FAM120A: variants seen among roughly 807,000 people sequenced by gnomAD.
The protein encoded by FAM120A is constitutive coactivator of PPAR-gamma-like protein 1.
A neutral mutation model predicts 109.7 loss-of-function variants in FAM120A; 15 were observed. The observed-to-expected ratio is 0.14, with a 90% CI of 0.09 to 0.21. FAM120A has a LOEUF of 0.21. Ranked by LOEUF, FAM120A falls within the 10% of genes least tolerant of loss-of-function variation. The pLI is 1.00. For synonymous variants in FAM120A, 493 were observed against 572.8 expected (o/e 0.86, Z 1.99); for missense variants, 899 against 1,439.3 (o/e 0.62, Z 6.07).
intron 1 of FAM120A, among the ~76,000 whole-genome samples, chr9:93,458,129 A>C (rs1857635054): frequency 6.6e-6 from 1 of 152,144 alleles, no homozygotes. Flanking sequence ...GTGTCCCATC[A>C]ACACAGACAC....
At chr9:93,535,650 A>C (rs1861487816) in intron 10 of FAM120A, among the ~76,000 whole-genome samples, 1 of 152,210 alleles carries the variant, frequency 6.6e-6, no homozygotes, top group South Asian at 2.1e-4. Flanking sequence ...AGCTGATAAA[A>C]TTGAACTTGT....
chr9:93,460,821 A>G (rs139418730), intron 1 of FAM120A, among the ~76,000 whole-genome samples: 281 of 152,330 alleles, frequency 1.8e-3, no homozygotes, highest in Non-Finnish European at 3.0e-3. Context: ...CAGAAGTTTT[A>G]AAGTCCCCCT....
At chr9:93,472,657 C>G (rs183347857) in intron 2 of FAM120A, among the ~76,000 whole-genome samples, 38 of 152,208 alleles carry the variant, frequency 2.5e-4, no homozygotes, top group Admixed American at 2.4e-3. Context: ...TTTAGAAATG[C>G]CTAGTTATCA....
chr9:93,561,055 A>G lies in FAM120A; in HGVS notation c.2807-54A>G, dbSNP rs757795403. ...AGTTTCTTGCTTGTATCTTTTTGCT[A>G]TTCTTAATTCTGTGATTGTAAAGAT... On this transcript the variant is annotated intron_variant, in intron 15 of 17. Transcript: ENST00000277165. The G allele has an allele frequency of 2.5e-6, 4 of 1,580,962 alleles. No homozygotes were observed. The highest frequency in any genetic ancestry group is 2.2e-5 in the East Asian group (1 of 44,674).
intron 3 of FAM120A, among the ~76,000 whole-genome samples, chr9:93,492,794 A>G (rs1859386942): frequency 6.6e-6 from 1 of 152,218 alleles, no homozygotes; most frequent in Non-Finnish European, 1.5e-5. Context: ...CACTTTAATT[A>G]TAGCATCTAT....
At chr9:93,483,508 T>C (rs1858911882) in intron 3 of FAM120A, among the ~76,000 whole-genome samples, 1 of 152,184 alleles carries the variant, frequency 6.6e-6, no homozygotes, top group African/African-American at 2.4e-5. Flanking sequence ...TTTACTGTTT[T>C]AGATAGAAGC....
At chr9:93,454,091 G>A (rs2131180944) in intron 1 of FAM120A, among the ~76,000 whole-genome samples, 1 of 152,306 alleles carries the variant, frequency 6.6e-6, no homozygotes, top group East Asian at 1.9e-4. Flanking sequence ...CGCACACCTA[G>A]TAGGTGCTCA....
intron 7 of FAM120A, among the ~76,000 whole-genome samples, chr9:93,516,680 C>T (rs1388872691): frequency 2.0e-5 from 3 of 152,084 alleles, no homozygotes; most frequent in Non-Finnish European, 2.9e-5. Flanking sequence ...ATTTCCTCTC[C>T]TTCTCCTAAA....
intron 7 of FAM120A, chr9:93,523,335 G>A (rs1564343238): frequency 1.4e-5 from 18 of 1,288,998 alleles, no homozygotes; most frequent in Non-Finnish European, 1.7e-5. Flanking sequence ...GAATTCCATC[G>A]TGCTCTGCTC....
At chr9:93,466,888 G>A (rs144631531) in intron 1 of FAM120A, among the ~76,000 whole-genome samples, 3 of 152,234 alleles carry the variant, frequency 2.0e-5, no homozygotes, top group African/African-American at 7.2e-5. Flanking sequence ...TAGTGTTCCT[G>A]CAAAGTAATT....
At chr9:93,525,464 A>G (rs1474098681) in intron 7 of FAM120A, among the ~76,000 whole-genome samples, 1 of 152,236 alleles carries the variant, frequency 6.6e-6, no homozygotes, top group Admixed American at 6.5e-5. Context: ...CTGCGTGGTT[A>G]ATAAGCATTC....
At chr9:93,538,155 A>G (rs1183252135) in intron 10 of FAM120A, among the ~76,000 whole-genome samples, 1 of 152,166 alleles carries the variant, frequency 6.6e-6, no homozygotes, top group Non-Finnish European at 1.5e-5. Context: ...CATGTCTGTA[A>G]TACTGTGTTC....
At chr9:93,457,698 C>T (rs757329459) in intron 1 of FAM120A, among the ~76,000 whole-genome samples, 1 of 151,948 alleles carries the variant, frequency 6.6e-6, no homozygotes, top group Non-Finnish European at 1.5e-5. Context: ...AAATGCCAAG[C>T]GAAGGAAAAC....
chr9:93,490,693 T>C (rs1480681645), intron 3 of FAM120A, among the ~76,000 whole-genome samples: 1 of 152,230 alleles, frequency 6.6e-6, no homozygotes, highest in East Asian at 1.9e-4. Flanking sequence ...AAATGCTTCT[T>C]TAGCAGGGGC....
chr9:93,514,887 C>T (rs928568883), intron 5 of FAM120A, among the ~76,000 whole-genome samples: 10 of 152,230 alleles, frequency 6.6e-5, no homozygotes, highest in African/African-American at 2.4e-4. Flanking sequence ...CCAGCCCCTG[C>T]CTTCTGTCCC....
At chr9:93,484,766 G>A (rs1366318003) in intron 3 of FAM120A, among the ~76,000 whole-genome samples, 1 of 152,100 alleles carries the variant, frequency 6.6e-6, no homozygotes, top group East Asian at 1.9e-4. Flanking sequence ...TGGAGATGGG[G>A]TTTCGCCATG....
In FAM120A at chr9:93,451,702, G is replaced by T. The variant is rs2131157288; in HGVS notation, c.-214G>T. ...GCCTCGGCCTCGGCCTCGCAGCGGC[G>T]GCAGCGGCGGCGGCGGCAGGTCCCT... On this transcript the variant is annotated 5_prime_UTR_variant, in exon 1 of 18. Coordinates refer to ENST00000277165, the MANE Select transcript of FAM120A (RefSeq NM_014612.5). 2.0e-6 allele frequency: 2 copies of T among 982,320 alleles called. No individual in the cohort carries two copies. Among genetic ancestry groups the T allele is most frequent in the Non-Finnish European group, 1.2e-6 (1 of 830,642 alleles). The allele number at this position is 982,320 out of a possible 1,614,324, so 60.9% of individuals were successfully genotyped here.
intron 7 of FAM120A, among the ~76,000 whole-genome samples, chr9:93,524,407 T>TA (rs543258776): frequency 8.6e-5 from 13 of 151,604 alleles, no homozygotes; most frequent in East Asian, 3.9e-4. Flanking sequence ...CTGAAAGATG[T>TA]AAAAAAAAAT....
intron 11 of FAM120A, 79 bp from the exon 12 acceptor site, chr9:93,550,498 T>G (rs1862060010): frequency 9.7e-7 from 1 of 1,028,780 alleles, no homozygotes; most frequent in Admixed American, 1.7e-5. Context: ...GGGATTTACC[T>G]AGAACCTCCC....
Sources: allele counts gnomAD v4.1 joint callset (sites outside exome capture counted in the v4.1 genomes callset), GRCh38; gene constraint gnomAD v4.1.1; transcripts MANE v1.5; gene names NCBI Gene and HGNC (gene_info 2026-07-23, HGNC 2026-07-21).